FMNL2: variants seen among roughly 807,000 people sequenced by gnomAD.
The protein encoded by FMNL2 is formin like 2, also known as formin-like protein 2.
In FMNL2, 51 loss-of-function variants were observed where a neutral mutation model predicts 130.2. That is an observed-to-expected ratio of 0.39 (90% CI 0.31 to 0.49). FMNL2 has a LOEUF of 0.49. Among genes scored for constraint, FMNL2 ranks in the 20% least tolerant of loss-of-function variants. The pLI is 0.85. For missense variants in FMNL2, 977 were observed against 1,316.2 expected, an observed-to-expected ratio of 0.74 and a Z score of 3.99; for synonymous variants, 465 against 467.1, an observed-to-expected ratio of 1.00 and a Z score of 0.06.
chr2:152,497,853 C>T (rs1468813511), intron 1 of FMNL2, among the ~76,000 whole-genome samples: 6 of 152,064 alleles, frequency 3.9e-5, no homozygotes, highest in Admixed American at 1.3e-4. Flanking sequence ...GCCAGGGTTT[C>T]GATATCATCT....
rs756119398 is a variant in FMNL2 at position 152,477,080 on chromosome 2, TG to T, written c.118-44860del. 3.9e-5 allele frequency among the ~76,000 whole-genome samples: 6 copies of T among 152,178 alleles called. No individual in the cohort carries two copies. In the South Asian group the frequency reaches 1.2e-3, roughly 31 times the overall value. Reference sequence around the variant, plus strand: ...CTTGGTTAGAAATAAACAAAAAGTATGGGAATCTTAACTTTACTGAAAAGAT... The same window carrying T: ...CTTGGTTAGAAATAAACAAAAAGTATGGAATCTTAACTTTACTGAAAAGAT... On this transcript the variant is annotated intron_variant, in intron 1 of 25. Coordinates refer to ENST00000288670, the MANE Select transcript of FMNL2 (RefSeq NM_052905.4).
intron 3 of FMNL2, among the ~76,000 whole-genome samples, chr2:152,546,754 G>C (rs1342100353): frequency 6.6e-6 from 1 of 152,098 alleles, no homozygotes; most frequent in Non-Finnish European, 1.5e-5. Flanking sequence ...TCTGGAAATG[G>C]TTGCCTTAGC....
chr2:152,625,199 A>G (rs556073332), intron 15 of FMNL2: 3 of 422,992 alleles, frequency 7.1e-6, no homozygotes, highest in African/African-American at 5.8e-5. Flanking sequence ...AAAAAAATCA[A>G]CCCTTGGCCC....
At chr2:152,342,929 AAAC>A (rs998157150) in intron 1 of FMNL2, among the ~76,000 whole-genome samples, 1 of 152,212 alleles carries the variant, frequency 6.6e-6, no homozygotes, top group Admixed American at 6.5e-5. Context: ...CTCTCTGAAA[AAAC>A]AAACAGAAAA....
At chr2:152,352,130 C>G (rs1682526488) in intron 1 of FMNL2, among the ~76,000 whole-genome samples, 1 of 152,190 alleles carries the variant, frequency 6.6e-6, no homozygotes, top group African/African-American at 2.4e-5. Context: ...AGTAGGTTTA[C>G]ACAATTCGAT....
chr2:152,582,987 A>G (rs1426592747), intron 9 of FMNL2, among the ~76,000 whole-genome samples: 1 of 152,190 alleles, frequency 6.6e-6, no homozygotes, highest in Admixed American at 6.5e-5. Flanking sequence ...TTTTTCTCCT[A>G]GGTAAGATAG....
intron 23 of FMNL2, 51 bp downstream of exon 23, chr2:152,637,725 T>A: frequency 2.0e-6 from 3 of 1,524,514 alleles, no homozygotes; most frequent in Non-Finnish European, 2.7e-6. Flanking sequence ...TTGCCCTCCT[T>A]GAGATGTGTC....
At chr2:152,514,861 A>G (rs1267071595) in intron 1 of FMNL2, among the ~76,000 whole-genome samples, 3 of 152,198 alleles carry the variant, frequency 2.0e-5, no homozygotes, top group South Asian at 4.1e-4. Context: ...AAGCAAAATC[A>G]TAGATGTGGG....
At chr2:152,643,927 A>G (rs1276068982) in intron 25 of FMNL2, 1 of 978,230 alleles carries the variant, frequency 1.0e-6, no homozygotes, top group Admixed American at 6.2e-5. Context: ...CCTAACATGT[A>G]TTAAGAACTT....
chr2:152,645,556 C>T (rs778529308), intron 25 of FMNL2: 60 of 1,239,036 alleles, frequency 4.8e-5, no homozygotes, highest in Middle Eastern at 2.2e-4. Flanking sequence ...TTAGCTTCCT[C>T]CTCTCTCTGT....
At position 152,558,835 on chromosome 2, in the gene FMNL2, T is replaced by C. The variant is rs1171568368; in HGVS notation, c.443+12T>C. 1.2e-6 allele frequency: 2 copies of C among 1,610,860 alleles called. No homozygotes were observed. ...CAGTACGCGGTAACGTAAGTAAAAC[T>C]TGGCTTGCTTGCATTTGAATTTTAT... is the stretch of plus-strand genomic sequence containing the variant. On this transcript the variant is annotated intron_variant, in intron 5 of 25. Coordinates refer to ENST00000288670, the MANE Select transcript of FMNL2 (RefSeq NM_052905.4).
At chr2:152,392,043 ATTCT>A (rs1325520398) in intron 1 of FMNL2, among the ~76,000 whole-genome samples, 7 of 151,124 alleles carry the variant, frequency 4.6e-5, no homozygotes, top group Non-Finnish European at 7.4e-5. Flanking sequence ...ACAATAATTC[ATTCT>A]TTAATTTCAA....
At chr2:152,492,853 A>T (rs1482728732) in intron 1 of FMNL2, among the ~76,000 whole-genome samples, 1 of 152,212 alleles carries the variant, frequency 6.6e-6, no homozygotes, top group South Asian at 2.1e-4. Context: ...GTTGGTGATA[A>T]AAAGAAAATA....
At chr2:152,642,587 C>T (rs1443446760) in intron 25 of FMNL2, among the ~76,000 whole-genome samples, 1 of 152,230 alleles carries the variant, frequency 6.6e-6, no homozygotes, top group Non-Finnish European at 1.5e-5. Flanking sequence ...CTCCTCCATG[C>T]TGGGGGAGAA....
chr2:152,420,269 T>G (rs148737819), intron 1 of FMNL2, among the ~76,000 whole-genome samples: 43 of 152,304 alleles, frequency 2.8e-4, no homozygotes, highest in African/African-American at 9.6e-4. Flanking sequence ...ACTTTCAGAA[T>G]ATACAGAGAA....
At chr2:152,621,652 C>CT (rs1391578551) in intron 15 of FMNL2, among the ~76,000 whole-genome samples, 1 of 152,186 alleles carries the variant, frequency 6.6e-6, no homozygotes, top group Non-Finnish European at 1.5e-5. Flanking sequence ...CCTTGTGAGT[C>CT]TTTGATAGCT....
Position 152,636,507 on chromosome 2 carries a change from G to A in FMNL2, c.2761G>A (p.Asp921Asn). Residue 921 changes from aspartate to asparagine, a missense_variant, in exon 22 of 26, where the codon GAC (aspartate) becomes AAC (asparagine). Coordinates refer to ENST00000288670, the MANE Select transcript of FMNL2 (RefSeq NM_052905.4). Reference protein sequence around the residue: ...DLTKREYTMHDHNTLLKEFIL... With the variant: ...DLTKREYTMHNHNTLLKEFIL... Reference sequence around the variant, plus strand: ...GACCAAGAGAGAGTACACCATGCATGACCATAACACGCTGCTGAAGGAGTT... The same window carrying A: ...GACCAAGAGAGAGTACACCATGCATAACCATAACACGCTGCTGAAGGAGTT... 1 of 1,608,018 alleles carries A rather than the reference G, an allele frequency of 6.2e-7. No homozygotes were observed. The highest frequency in any genetic ancestry group is 8.5e-7 in the Non-Finnish European group (1 of 1,176,866).
intron 9 of FMNL2, among the ~76,000 whole-genome samples, chr2:152,605,869 C>G (rs984263568): frequency 2.0e-5 from 3 of 152,170 alleles, no homozygotes; most frequent in East Asian, 1.9e-4. Flanking sequence ...AGGATTTACC[C>G]CCGGTGGTGC....
rs544844189 is a variant in FMNL2, at chr2:152,553,632, T to G, written c.359+4535T>G. 1.3e-3 allele frequency among the ~76,000 whole-genome samples: 199 copies of G among 151,880 alleles called. 1 individual carries two copies. The highest frequency in any genetic ancestry group is 4.6e-3 in the African/African-American group (193 of 41,514). ...TTTTGTTTAGATGTGTCAAATCTATTAATGTTTATAATATTAGAAATTAAA... is the reference window on the plus strand; with the variant it reads ...TTTTGTTTAGATGTGTCAAATCTATGAATGTTTATAATATTAGAAATTAAA... On this transcript the variant is annotated intron_variant, in intron 4 of 25. Transcript: ENST00000288670.
Sources: gnomAD v4.1 joint callset for allele counts (sites outside exome capture counted in the v4.1 genomes callset) on GRCh38, gnomAD v4.1.1 for gene constraint, MANE v1.5 for transcripts, NCBI Gene and HGNC (gene_info 2026-07-23, HGNC 2026-07-21) for gene names.